The following RUNX1T1 variants were observed in gnomAD, a reference collection of about 807,000 sequenced individuals.
The protein encoded by RUNX1T1 is protein CBFA2T1.
RUNX1T1 carries 4 observed loss-of-function variants against 62.8 expected under a neutral mutation model. The ratio of observed to expected loss-of-function variants is 0.06; its 90% CI spans 0.03 to 0.15. RUNX1T1 has a LOEUF of 0.15. RUNX1T1 is among the 10% of genes least tolerant of loss of function. The pLI is 1.00. For synonymous variants in RUNX1T1, 291 were observed against 286.0 expected, an observed-to-expected ratio of 1.02 and a Z score of -0.18; for missense variants, 508 against 754.3, an observed-to-expected ratio of 0.67 and a Z score of 3.82.
intron 1 of RUNX1T1, 160 bp from the exon 3 acceptor site, chr8:92,017,523 C>A: frequency 6.6e-7 from 1 of 1,515,192 alleles, no homozygotes; most frequent in Non-Finnish European, 8.8e-7. Context: ...ATTTTATCAT[C>A]CAAACCCCAC....
At chr8:91,996,180 TTTG>T (rs903031201) in intron 5 of RUNX1T1, among the ~76,000 whole-genome samples, 1 of 151,984 alleles carries the variant, frequency 6.6e-6, no homozygotes, top group African/African-American at 2.4e-5. Flanking sequence ...TTTTATTTTA[TTTG>T]TTTTTTATTT....
intron 5 of RUNX1T1, chr8:92,003,158 G>T: frequency 4.4e-6 from 1 of 229,586 alleles, no homozygotes; most frequent in Non-Finnish European, 9.2e-6. Flanking sequence ...TCAGACCAAA[G>T]ACTCTTTTTA....
chr8:92,062,787 A>G (rs1832286645), exon 1 of RUNX1T1: 2 of 1,492,368 alleles, frequency 1.3e-6, no homozygotes, highest in South Asian at 1.3e-5. Context: ...ACAGGAGCAC[A>G]TGTGGCCTTG....
chr8:91,985,938 G>A (rs969940599), intron 8 of RUNX1T1, among the ~76,000 whole-genome samples, 186 bp downstream of exon 9: 2 of 152,150 alleles, frequency 1.3e-5, no homozygotes. Context: ...AAGTTTTGTG[G>A]CTATCTCTGT....
upstream of RUNX1T1, among the ~76,000 whole-genome samples, chr8:92,063,224 A>C (rs1432378541): frequency 2.0e-5 from 3 of 152,200 alleles, no homozygotes; most frequent in African/African-American, 7.2e-5. Flanking sequence ...AAGTATCAGA[A>C]TCATTCCTTT....
At chr8:92,027,762 T>C (rs1372194953) in intron 1 of RUNX1T1, among the ~76,000 whole-genome samples, 1 of 152,016 alleles carries the variant, frequency 6.6e-6, no homozygotes, top group Non-Finnish European at 1.5e-5. Context: ...GAACTTGGAT[T>C]AAGAGGGAAA....
chr8:92,041,745 TAACAA>T lies in RUNX1T1; in HGVS notation c.7+20796_7+20800del, dbSNP rs751435682. Among the ~76,000 whole-genome samples the T allele has an allele frequency of 5.3e-5, 8 of 150,602 alleles. No homozygotes were observed. In the East Asian group the frequency reaches 5.9e-4, roughly 11 times the overall value. On this transcript the variant is annotated intron_variant, in intron 1 of 10. Transcript: ENST00000396218. ...TGACAGAGCACTACTCTGTCCCAAA[TAACAA>T]AACAAAACAAAACAAAAACCTTTGG...
At chr8:92,042,002 T>C (rs765094223) in intron 1 of RUNX1T1, among the ~76,000 whole-genome samples, 2 of 151,926 alleles carry the variant, frequency 1.3e-5, no homozygotes, top group Non-Finnish European at 2.9e-5. Flanking sequence ...TTTGTATTTT[T>C]AGTAAAGACA....
intron 1 of RUNX1T1, among the ~76,000 whole-genome samples, chr8:92,056,441 A>G (rs1029788979): frequency 3.9e-5 from 6 of 152,174 alleles, no homozygotes; most frequent in African/African-American, 1.2e-4. Context: ...ATTTTCTTCC[A>G]TGAGTGTCAA....
chr8:92,044,788 T>G (rs1178487187), intron 1 of RUNX1T1, among the ~76,000 whole-genome samples: 2 of 152,182 alleles, frequency 1.3e-5, no homozygotes, highest in African/African-American at 2.4e-5. Context: ...GGAGGGAAGA[T>G]GAGAAAATCA....
chr8:92,044,773 T>C (rs1297239067), intron 1 of RUNX1T1, among the ~76,000 whole-genome samples: 1 of 152,170 alleles, frequency 6.6e-6, no homozygotes, highest in East Asian at 1.9e-4. Flanking sequence ...AAAAAGCAAG[T>C]AAAAGGAGGG....
intron 10 of RUNX1T1, among the ~76,000 whole-genome samples, chr8:91,965,856 G>A (rs929560272): frequency 1.6e-4 from 24 of 151,810 alleles, no homozygotes; most frequent in Non-Finnish European, 1.0e-4. Flanking sequence ...TTTCTTCTCC[G>A]TTTTCCTCTT....
chr8:92,075,650 C>A (rs1834310091), intron 2 of RUNX1T1, among the ~76,000 whole-genome samples: 1 of 152,074 alleles, frequency 6.6e-6, no homozygotes, highest in Admixed American at 6.6e-5. Context: ...AAGTATTGCT[C>A]AGCTTATAAC....
exon 8 of RUNX1T1, chr8:91,986,242 T>C (rs763916907): frequency 2.1e-5 from 34 of 1,613,958 alleles, no homozygotes; most frequent in African/African-American, 4.0e-5. Flanking sequence ...AATTCAATTC[T>C]TCCCGGTCTG....
At chr8:92,058,406 T>C (rs1831385178) in intron 1 of RUNX1T1, among the ~76,000 whole-genome samples, 1 of 152,220 alleles carries the variant, frequency 6.6e-6, no homozygotes, top group African/African-American at 2.4e-5. Context: ...GTGATTATTG[T>C]CACAGAATTT....
intron 1 of RUNX1T1, among the ~76,000 whole-genome samples, chr8:92,042,685 A>G (rs1325930758): frequency 6.6e-6 from 1 of 152,226 alleles, no homozygotes; most frequent in Non-Finnish European, 1.5e-5. Flanking sequence ...AGTGATTTCT[A>G]AAGATTAAAT....
chr8:92,065,513 T>C (rs1035994091), upstream of RUNX1T1, among the ~76,000 whole-genome samples: 1 of 152,174 alleles, frequency 6.6e-6, no homozygotes, highest in Non-Finnish European at 1.5e-5. Flanking sequence ...ATCAACACTT[T>C]CCAAACCAGT....
At chr8:91,988,032 T>C (rs906436895) in intron 6 of RUNX1T1, among the ~76,000 whole-genome samples, 2 of 152,292 alleles carry the variant, frequency 1.3e-5, no homozygotes, top group Non-Finnish European at 2.9e-5. Flanking sequence ...GGTTTCTAGA[T>C]AACTGAGCTA....
intron 1 of RUNX1T1, among the ~76,000 whole-genome samples, chr8:92,096,632 A>C (rs968651195): frequency 4.6e-5 from 7 of 152,208 alleles, no homozygotes; most frequent in African/African-American, 1.2e-4. Flanking sequence ...CTTGGTTAAG[A>C]AGCTCTCACT....
Sources: allele counts gnomAD v4.1 joint callset (sites outside exome capture counted in the v4.1 genomes callset), GRCh38; gene constraint gnomAD v4.1.1; transcripts MANE v1.5; gene names NCBI Gene and HGNC (gene_info 2026-07-23, HGNC 2026-07-21).